Variants in TBX21 observed in about 807,000 individuals in gnomAD.
TBX21 encodes the protein T-box transcription factor TBX21.
In TBX21, 11 loss-of-function variants were observed where a neutral mutation model predicts 52.2. The observed-to-expected ratio is 0.21, with a 90% confidence interval of 0.13 to 0.35. The LOEUF is 0.35. TBX21 is among the 10% of genes least tolerant of loss of function. The pLI, the probability that TBX21 is intolerant of heterozygous loss-of-function variation, is 1.00. For missense variants in TBX21, 625 were observed against 755.1 expected, an observed-to-expected ratio of 0.83 and a Z score of 2.02; for synonymous variants, 300 against 316.1, an observed-to-expected ratio of 0.95 and a Z score of 0.54.
At position 47,733,691 on chromosome 17, in the gene TBX21, G is replaced by A; in HGVS notation, c.237G>A (p.Pro79=). 1.4e-6 allele frequency: 2 copies of A among 1,421,238 alleles called. No individual in the cohort carries two copies. The highest frequency in any genetic ancestry group is 1.8e-6 in the Non-Finnish European group (2 of 1,089,002). The allele number at this position is 1,421,238 out of a possible 1,614,324, so 88.0% of individuals were successfully genotyped here. ...TCCTTGGAGCCTACGCCTACCCGCC[G>A]CGACCCCAGGCGGCCGGCTTCCCCG... The part of the protein sequence containing the change: ...SRFLGAYAYP[P]RPQAAGFPGA... Residue 79 remains proline (P), a synonymous_variant, in exon 1 of 6, where the codon CCG becomes CCA. Coordinates refer to ENST00000177694, the MANE Select transcript of TBX21 (RefSeq NM_013351.2). This position sits in a 1 kb window ranked among gnomAD's most constrained non-coding sequence, Gnocchi z 6.6.
At position 47,742,772 on chromosome 17, in the gene TBX21, C is replaced by T. The variant is rs766680915; in HGVS notation, c.646+8C>T. ...CCGAGGGCAGCATGCCAGGTGCGCG[C>T]GCCCCTGGGAGCGGTGGGCTCTGTT... On this transcript the variant is annotated splice_region_variant and intron_variant, in intron 2 of 5. Transcript: ENST00000177694. This position sits in a 1 kb window ranked among gnomAD's most constrained non-coding sequence, Gnocchi z 4.4. The T allele has an allele frequency of 3.6e-5, 56 of 1,558,400 alleles. No homozygotes were observed. The Middle Eastern group carries it at 7.0e-4, about 20-fold the overall frequency.
intron 1 of TBX21, among the ~76,000 whole-genome samples, chr17:47,738,727 A>T (rs2032235504): frequency 6.6e-6 from 1 of 151,898 alleles, no homozygotes; most frequent in Non-Finnish European, 1.5e-5. Context: ...CAGCCTCCCA[A>T]GTAGCTGGGA....
intron 1 of TBX21, among the ~76,000 whole-genome samples, chr17:47,737,162 T>A (rs1258246383): frequency 1.3e-5 from 2 of 152,170 alleles, no homozygotes; most frequent in Non-Finnish European, 2.9e-5. Flanking sequence ...GTCTGGAGAT[T>A]TGGGGCAGCC....
intron 3 of TBX21, 83 bp downstream of exon 3, chr17:47,743,275 G>T: frequency 6.5e-7 from 1 of 1,538,414 alleles, no homozygotes; most frequent in South Asian, 1.2e-5. Context: ...GGTCCTGCGG[G>T]GCCAGTTTGG....
At chr17:47,739,443 T>C (rs2032243370) in intron 1 of TBX21, among the ~76,000 whole-genome samples, 1 of 149,420 alleles carries the variant, frequency 6.7e-6, no homozygotes, top group Admixed American at 6.8e-5. Flanking sequence ...CTGTGCAGCA[T>C]AGCAGACTCC....
rs781490327 is a variant in TBX21, at chr17:47,733,967, T to A, written c.491+22T>A. ...GACGGTGAGTGCGGCGCGCCGGCCC[T>A]TGGGGCCTCTGTGCCCGCGCCGGAA... is the stretch of plus-strand genomic sequence containing the variant. On this transcript the variant is annotated intron_variant, in intron 1 of 5. Coordinates refer to ENST00000177694, the MANE Select transcript of TBX21 (RefSeq NM_013351.2). The surrounding 1 kb of genome is among the most constrained non-coding windows in gnomAD (Gnocchi z 6.6). The A allele has an allele frequency of 1.2e-6, 2 of 1,612,370 alleles. No individual in the cohort carries two copies. Among genetic ancestry groups the A allele is most frequent in the African/African-American group, 2.7e-5 (2 of 74,958 alleles).
chr17:47,744,626 A>G, intron 5 of TBX21, 83 bp downstream of exon 5: 1 of 1,605,528 alleles, frequency 6.2e-7, no homozygotes. Context: ...AGGGTGGGGG[A>G]CAGATGCTAC....
In TBX21 at chr17:47,745,669, G is replaced by A. The variant is rs17244587; in HGVS notation, c.*303G>A. ...AGAAAAGAAGACAAGAAAGTCTTGG[G>A]CATGAAGGAGCTTTTTGCATCTAGT... On this transcript the variant is annotated 3_prime_UTR_variant, in exon 6 of 6. Transcript: ENST00000177694. 0.086 allele frequency: 26,434 copies of A among 306,452 alleles called. 1,359 individuals are homozygous for A. Among genetic ancestry groups the A allele is most frequent in the South Asian group, 0.2 (2,822 of 14,368 alleles). 19.0% of individuals were successfully genotyped at this position (306,452 alleles called of 1,614,324 possible).
rs758956310 is a variant in TBX21 at position 47,733,943 on chromosome 17, A to G, written c.489A>G (p.Gly163=). 4.0e-5 allele frequency: 65 copies of G among 1,613,208 alleles called. No homozygotes were observed. The highest frequency in any genetic ancestry group is 2.3e-4 in the South Asian group (21 of 91,060). The part of the protein sequence containing the change: ...HQTEMIITKQ[G]RRMFPFLSFT... The stretch of plus-strand genomic sequence containing the variant: ...CAGAGATGATCATCACCAAGCAGGG[A>G]CGGTGAGTGCGGCGCGCCGGCCCTT... The change falls in exon 1 of 6, where the codon GGA becomes GGG. Residue 163 remains glycine (G), a splice_region_variant and synonymous_variant. Coordinates refer to ENST00000177694, the MANE Select transcript of TBX21 (RefSeq NM_013351.2). The surrounding 1 kb of genome is among the most constrained non-coding windows in gnomAD (Gnocchi z 6.6).
chr17:47,742,766 T>TGCGC lies in TBX21; in HGVS notation c.646+7_646+10dup, dbSNP rs764601886. On this transcript the variant is annotated splice_region_variant and intron_variant, in intron 2 of 5. Coordinates refer to ENST00000177694, the MANE Select transcript of TBX21 (RefSeq NM_013351.2). This position sits in a 1 kb window ranked among gnomAD's most constrained non-coding sequence, Gnocchi z 4.4. ...GAAAGGCCGAGGGCAGCATGCCAGG[T>TGCGC]GCGCGCGCCCCTGGGAGCGGTGGGC... The TGCGC allele has an allele frequency of 6.4e-7, 1 of 1,562,934 alleles. No homozygotes were observed. Among genetic ancestry groups the TGCGC allele is most frequent in the East Asian group, 2.3e-5 (1 of 42,600 alleles).
At chr17:47,743,369 C>G (rs1360781649) in intron 3 of TBX21, among the ~76,000 whole-genome samples, 177 bp downstream of exon 3, 1 of 152,156 alleles carries the variant, frequency 6.6e-6, no homozygotes. Flanking sequence ...CCTTCCTAAA[C>G]TCTGGCTGTT....
chr17:47,737,871 C>T (rs1209224557), intron 1 of TBX21, among the ~76,000 whole-genome samples: 4 of 152,250 alleles, frequency 2.6e-5, no homozygotes, highest in African/African-American at 9.6e-5. Flanking sequence ...AGTGATCCCC[C>T]GCCTCGGCCT....
intron 1 of TBX21, among the ~76,000 whole-genome samples, chr17:47,739,512 A>G (rs904895512): frequency 1.1e-4 from 17 of 152,186 alleles, no homozygotes; most frequent in Admixed American, 5.9e-4. Flanking sequence ...TAATCCCAGC[A>G]CTTTGGGAGG....
rs373121994 is a variant in TBX21 at position 47,744,749 on chromosome 17, A to C, written c.991A>C (p.Met331Leu). The change falls in exon 6 of 6, where the codon ATG (methionine) becomes CTG (leucine). Residue 331 changes from methionine (M) to leucine (L), a missense_variant and splice_region_variant. Transcript: ENST00000177694. ...TTCTTGCCTTCTATTTTTTTCTAGC[A>C]TGTACACATCTGTTGACACCAGCAT... The part of the protein sequence containing the change: ...AKGFRENFES[M>L]YTSVDTSIPS... 9.9e-6 allele frequency: 16 copies of C among 1,611,946 alleles called. No homozygotes were observed.
intron 1 of TBX21, among the ~76,000 whole-genome samples, chr17:47,735,303 T>C (rs1407802033): frequency 6.6e-6 from 1 of 152,176 alleles, no homozygotes; most frequent in African/African-American, 2.4e-5. Context: ...TTCAAGTTAC[T>C]GAGCTGTTCC....
intron 1 of TBX21, among the ~76,000 whole-genome samples, chr17:47,737,630 CTT>C (rs767560904): frequency 4.1e-5 from 6 of 145,586 alleles, no homozygotes; most frequent in African/African-American, 7.5e-5. Flanking sequence ...CTTTCTACAT[CTT>C]TTTTTTTTTT....
chr17:47,741,507 G>A (rs966877743), intron 1 of TBX21, among the ~76,000 whole-genome samples: 21 of 152,168 alleles, frequency 1.4e-4, no homozygotes, highest in African/African-American at 3.9e-4. Flanking sequence ...CATGAGCCCC[G>A]TGTTCAATAG....
chr17:47,736,986 C>A (rs1469608807), intron 1 of TBX21, among the ~76,000 whole-genome samples: 1 of 152,188 alleles, frequency 6.6e-6, no homozygotes, highest in East Asian at 1.9e-4. Context: ...CGGTATTGAC[C>A]AGCGCCAGTG....
intron 1 of TBX21, among the ~76,000 whole-genome samples, chr17:47,734,785 C>G (rs2032189725): frequency 6.6e-6 from 1 of 151,854 alleles, no homozygotes; most frequent in South Asian, 2.1e-4. Context: ...AAACCTTCCC[C>G]ACACTCCTGT....
Sources: gnomAD v4.1 joint callset for allele counts (sites outside exome capture counted in the v4.1 genomes callset) on GRCh38, gnomAD v4.1.1 for gene constraint, Gnocchi (gnomAD v3.1) non-coding constraint, MANE v1.5 for transcripts, NCBI Gene and HGNC (gene_info 2026-07-23, HGNC 2026-07-21) for gene names.